The following LMX1B variants were observed in gnomAD, a reference collection of about 807,000 sequenced individuals.
The protein encoded by LMX1B is LIM homeobox transcription factor 1 beta.
LMX1B carries 12 observed loss-of-function variants against 51.4 expected under a neutral mutation model. The observed-to-expected ratio is 0.23, with a 90% CI of 0.15 to 0.38. LMX1B has a LOEUF of 0.38. Among genes scored for constraint, LMX1B ranks in the 10% least tolerant of loss-of-function variants. The pLI is 1.00. For synonymous variants in LMX1B, 237 were observed against 235.4 expected (o/e 1.01, Z -0.06); for missense variants, 445 against 571.1 (o/e 0.78, Z 2.25).
intron 2 of LMX1B, among the ~76,000 whole-genome samples, chr9:126,631,248 AT>A (rs1835630842): frequency 6.6e-6 from 1 of 152,270 alleles, no homozygotes; most frequent in Non-Finnish European, 1.5e-5. Context: ...GCAGAGAAAC[AT>A]CTGCCTGAAC....
intron 2 of LMX1B, among the ~76,000 whole-genome samples, chr9:126,635,240 G>A (rs1346193849): frequency 6.6e-6 from 1 of 152,174 alleles, no homozygotes; most frequent in East Asian, 1.9e-4. Context: ...TCCTCTTCTA[G>A]TCAGCTACTT....
At chr9:126,643,403 C>A (rs1054979946) in intron 2 of LMX1B, among the ~76,000 whole-genome samples, 16 of 152,112 alleles carry the variant, frequency 1.1e-4, no homozygotes, top group Admixed American at 2.0e-4. Flanking sequence ...GGCAGTGTGA[C>A]CCTGGCTCAG....
rs142294733 is a variant in LMX1B, at chr9:126,669,161, G to A, written c.327-21675G>A. Reference sequence around the variant, plus strand: ...TGTAGCTGGCATGGGCAGGAAGGTGGAAGGGCATTCCATGCGGCGAGGGTG... The same window carrying A: ...TGTAGCTGGCATGGGCAGGAAGGTGAAAGGGCATTCCATGCGGCGAGGGTG... On this transcript the variant is annotated intron_variant, in intron 2 of 7. Transcript: ENST00000373474. Among the ~76,000 whole-genome samples the A allele has an allele frequency of 7.0e-3, 1,062 of 152,344 alleles. 4 individuals carry two copies. Among genetic ancestry groups the A allele is most frequent in the Non-Finnish European group, 0.011 (755 of 68,042 alleles).
In LMX1B at chr9:126,695,699, G is replaced by C; in HGVS notation, c.887-140G>C. On this transcript the variant is annotated intron_variant, in intron 6 of 7. Coordinates refer to ENST00000373474, the MANE Select transcript of LMX1B (RefSeq NM_001174147.2). This position sits in a 1 kb window ranked among gnomAD's most constrained non-coding sequence, Gnocchi z 5.2. Reference sequence around the variant, plus strand: ...GCTGGAGTGTGCACCTGGGGAAGGGGCTGGGGAGTCAGTGTCTGGACAGCT... The same window carrying C: ...GCTGGAGTGTGCACCTGGGGAAGGGCCTGGGGAGTCAGTGTCTGGACAGCT... 1.1e-6 allele frequency: 1 copy of C among 884,836 alleles called. No homozygotes were observed. The allele number at this position is 884,836 out of a possible 1,614,324, so 54.8% of individuals were successfully genotyped here.
chr9:126,665,757 A>T (rs1836331296), intron 2 of LMX1B, among the ~76,000 whole-genome samples: 1 of 151,492 alleles, frequency 6.6e-6, no homozygotes, highest in East Asian at 1.9e-4. Flanking sequence ...CCCCCTACCA[A>T]CCCCCCGGGT....
intron 2 of LMX1B, among the ~76,000 whole-genome samples, chr9:126,654,776 GA>G (rs747174506): frequency 6.6e-6 from 1 of 152,216 alleles, no homozygotes; most frequent in African/African-American, 2.4e-5. Flanking sequence ...CCCATGAGAA[GA>G]GGAGAGGGTA....
At chr9:126,649,127 C>T (rs1835956836) in intron 2 of LMX1B, among the ~76,000 whole-genome samples, 1 of 152,224 alleles carries the variant, frequency 6.6e-6, no homozygotes, top group East Asian at 1.9e-4. Context: ...ATTTGACCCC[C>T]TGACCATCAC....
chr9:126,690,879 C>T lies in LMX1B; in HGVS notation c.370C>T (p.Pro124Ser), dbSNP rs765709282. ...CAGCGGCTGCATGGAGAAGATCGCC[C>T]CCACCGAGTTCGTGATGCGGGCGCT... The part of the protein sequence containing the change: ...KCSGCMEKIA[P>S]TEFVMRALEC... The change falls in exon 3 of 8, where the codon CCC becomes TCC. Residue 124 changes from proline to serine, a missense_variant. Around this residue, in one of 3 missense-constraint regions of LMX1B, gnomAD observed 273 missense variants for 343.3 expected, o/e 0.80. Coordinates refer to ENST00000373474, the MANE Select transcript of LMX1B (RefSeq NM_001174147.2). The T allele has an allele frequency of 6.2e-7, 1 of 1,613,590 alleles. No homozygotes were observed. The highest frequency in any genetic ancestry group is 8.5e-7 in the Non-Finnish European group (1 of 1,179,948).
chr9:126,653,092 C>A (rs950615387), intron 2 of LMX1B, among the ~76,000 whole-genome samples: 1 of 151,234 alleles, frequency 6.6e-6, no homozygotes, highest in East Asian at 1.9e-4. Flanking sequence ...TCCCCCCATC[C>A]CAAACCCAAA....
At chr9:126,693,091 G>A in intron 3 of LMX1B, 51 bp from the exon 4 acceptor site, 1 of 1,533,940 alleles carries the variant, frequency 6.5e-7, no homozygotes, top group Non-Finnish European at 8.8e-7. Context: ...CAAGGCTGAG[G>A]CCTGGGCTGC....
chr9:126,672,363 G>A (rs1476091469), intron 2 of LMX1B, among the ~76,000 whole-genome samples: 1 of 152,268 alleles, frequency 6.6e-6, no homozygotes, highest in Non-Finnish European at 1.5e-5. Flanking sequence ...CAGGGTTTGT[G>A]CCCATGCGGG....
In LMX1B at chr9:126,677,212, G is replaced by A. The variant is rs1292585889; in HGVS notation, c.327-13624G>A. 9.9e-5 allele frequency among the ~76,000 whole-genome samples: 15 copies of A among 152,200 alleles called. No homozygotes were observed. The highest frequency in any genetic ancestry group is 3.6e-4 in the African/African-American group (15 of 41,446). On this transcript the variant is annotated intron_variant, in intron 2 of 7. Coordinates refer to ENST00000373474, the MANE Select transcript of LMX1B (RefSeq NM_001174147.2). The surrounding 1 kb of genome is among the most constrained non-coding windows in gnomAD (Gnocchi z 5.0). ...CAGATTCTCTTCTCCATCCCTGGGAGAGGGTCCCCATCTCTGGCAGGAAAT... is the reference window on the plus strand; with the variant it reads ...CAGATTCTCTTCTCCATCCCTGGGAAAGGGTCCCCATCTCTGGCAGGAAAT...
chr9:126,636,077 G>T (rs1471000779), intron 2 of LMX1B, among the ~76,000 whole-genome samples: 1 of 152,140 alleles, frequency 6.6e-6, no homozygotes, highest in African/African-American at 2.4e-5. Context: ...TGAGCCTTTT[G>T]GACCCAAGAC....
chr9:126,674,388 C>G (rs972408460), intron 2 of LMX1B, among the ~76,000 whole-genome samples: 2 of 149,058 alleles, frequency 1.3e-5, no homozygotes, highest in Admixed American at 6.6e-5. Flanking sequence ...GTGGAGGAGG[C>G]TGGGGGGGCA....
intron 2 of LMX1B, among the ~76,000 whole-genome samples, chr9:126,660,597 T>C (rs1298324653): frequency 6.6e-6 from 1 of 152,208 alleles, no homozygotes; most frequent in African/African-American, 2.4e-5. Flanking sequence ...CACTGGTCAC[T>C]GTGAGAGTTA....
intron 2 of LMX1B, among the ~76,000 whole-genome samples, chr9:126,654,184 C>T (rs1228147185): frequency 6.6e-6 from 1 of 152,228 alleles, no homozygotes; most frequent in African/African-American, 2.4e-5. Context: ...TGCGCCCACT[C>T]AGGCTTCCTC....
At chr9:126,636,780 C>G (rs1209544009) in intron 2 of LMX1B, among the ~76,000 whole-genome samples, 1 of 152,150 alleles carries the variant, frequency 6.6e-6, no homozygotes, top group Non-Finnish European at 1.5e-5. Flanking sequence ...GCATCCGGCA[C>G]AGGGAATGGC....
In LMX1B at chr9:126,614,076, G is replaced by A. The variant is rs1358522540; in HGVS notation, c.-374G>A. The stretch of plus-strand genomic sequence containing the variant: ...CCCCGCGGCCCGCGGGGCCGCCCCT[G>A]CACCCCCACCCCCTCCCCCGCCTGC... On this transcript the variant is annotated 5_prime_UTR_variant, in exon 1 of 8. Coordinates refer to ENST00000373474, the MANE Select transcript of LMX1B (RefSeq NM_001174147.2). Among the ~76,000 whole-genome samples the A allele has an allele frequency of 7.2e-5, 4 of 55,916 alleles. No individual in the cohort carries two copies. Among genetic ancestry groups the A allele is most frequent in the Admixed American group, 6.0e-4 (3 of 5,040 alleles). The allele number at this position is 55,916 out of a possible 152,430, so 36.7% of individuals were successfully genotyped here. A position where few individuals can be genotyped will look rare whatever the true frequency, so the allele number is the denominator to read the frequency against.
chr9:126,682,583 G>A (rs1407146039), intron 2 of LMX1B, among the ~76,000 whole-genome samples: 3 of 152,130 alleles, frequency 2.0e-5, no homozygotes, highest in Non-Finnish European at 1.5e-5. Flanking sequence ...GCGCCGGCCC[G>A]CACATAGTAG....
Sources: gnomAD v4.1 joint callset for allele counts (sites outside exome capture counted in the v4.1 genomes callset) on GRCh38, gnomAD v4.1.1 for gene constraint, gnomAD v4.1.1 regional missense constraint, Gnocchi (gnomAD v3.1) non-coding constraint, MANE v1.5 for transcripts, NCBI Gene and HGNC (gene_info 2026-07-23, HGNC 2026-07-21) for gene names.